The following FTO variants were observed in gnomAD, a reference collection of about 807,000 sequenced individuals.
FTO encodes the protein alpha-ketoglutarate-dependent dioxygenase FTO.
In FTO, 47 loss-of-function variants were observed where a neutral mutation model predicts 63.9. That is an observed-to-expected ratio of 0.74 (90% CI 0.58 to 0.94). The LOEUF is 0.94. FTO is among the 40% of genes least tolerant of loss of function. The pLI is 0.00. For missense variants in FTO, 562 were observed against 618.1 expected (o/e 0.91, Z 0.96); for synonymous variants, 207 against 224.4 (o/e 0.92, Z 0.69).
intron 8 of FTO, among the ~76,000 whole-genome samples, chr16:54,034,901 T>C (rs1454875323): frequency 2.0e-5 from 3 of 152,220 alleles, no homozygotes; most frequent in Non-Finnish European, 4.4e-5. Flanking sequence ...AGGAAGCACA[T>C]TGAGTCACTA....
chr16:53,898,435 A>G (rs1239368273), intron 7 of FTO, among the ~76,000 whole-genome samples: 1 of 151,884 alleles, frequency 6.6e-6, no homozygotes, highest in Non-Finnish European at 1.5e-5. Flanking sequence ...ACTCTTTTCT[A>G]CTGTACTCTT....
intron 7 of FTO, among the ~76,000 whole-genome samples, chr16:53,902,846 G>C (rs11076009): frequency 0.34 from 51,303 of 152,088 alleles, 10,300 homozygotes; most frequent in East Asian, 0.88. Flanking sequence ...GGGCATGGTG[G>C]CTCATTCCTG....
intron 8 of FTO, chr16:53,981,165 A>C (rs1318644020): frequency 6.6e-6 from 1 of 152,096 alleles, no homozygotes; most frequent in Non-Finnish European, 1.5e-5. Context: ...TCCATACAAC[A>C]AGTTTAAAAA....
chr16:53,835,924 C>G (rs1011083478), intron 3 of FTO, among the ~76,000 whole-genome samples: 5 of 137,142 alleles, frequency 3.6e-5, no homozygotes, highest in African/African-American at 1.4e-4. Context: ...GAGTTTTGCT[C>G]TTGTCACCCA....
chr16:53,853,778 A>G (rs931271498), intron 4 of FTO, among the ~76,000 whole-genome samples: 28 of 152,190 alleles, frequency 1.8e-4, no homozygotes, highest in Non-Finnish European at 3.5e-4. Flanking sequence ...ATGTGCTGCA[A>G]TAAACATATG....
rs115731781 is a variant in FTO at position 53,960,367 on chromosome 16, G to T, written c.1364+26258G>T. 9.1e-4 allele frequency among the ~76,000 whole-genome samples: 138 copies of T among 152,278 alleles called. 1 individual carries two copies. Among genetic ancestry groups the T allele is most frequent in the African/African-American group, 3.2e-3 (132 of 41,552 alleles). ...TCACTACACTTAGAAAATGCCTGCC[G>T]TGCGTGGCACTGGTGCAATGGTATC... On this transcript the variant is annotated intron_variant, in intron 8 of 8. Coordinates refer to ENST00000471389, the MANE Select transcript of FTO (RefSeq NM_001080432.3).
At position 54,002,770 on chromosome 16, in the gene FTO, T is replaced by C. The variant is rs567826710; in HGVS notation, c.1364+68661T>C. Reference sequence around the variant, plus strand: ...AAAGACAGATAAAAACAAGTGTTGATGAGGATAGAGAAAAATTGGAGCCCT... The same window carrying C: ...AAAGACAGATAAAAACAAGTGTTGACGAGGATAGAGAAAAATTGGAGCCCT... On this transcript the variant is annotated intron_variant, in intron 8 of 8. Coordinates refer to ENST00000471389, the MANE Select transcript of FTO (RefSeq NM_001080432.3). Among the ~76,000 whole-genome samples, 6 of 152,366 alleles carry C rather than the reference T, an allele frequency of 3.9e-5. No individual in the cohort carries two copies. In the South Asian group the frequency reaches 6.2e-4, roughly 16 times the overall value.
intron 7 of FTO, among the ~76,000 whole-genome samples, chr16:53,919,264 C>A (rs2081953974): frequency 6.6e-6 from 1 of 152,050 alleles, no homozygotes; most frequent in African/African-American, 2.4e-5. Context: ...ATAGAAAGCA[C>A]CCAATAATGT....
chr16:54,077,062 C>T (rs565443896), intron 8 of FTO, among the ~76,000 whole-genome samples: 8 of 152,256 alleles, frequency 5.3e-5, no homozygotes, highest in East Asian at 1.9e-4. Context: ...TCATAATCAT[C>T]ATTATATATA....
At chr16:53,855,533 C>A (rs2079960542) in intron 4 of FTO, among the ~76,000 whole-genome samples, 1 of 150,936 alleles carries the variant, frequency 6.6e-6, no homozygotes, top group African/African-American at 2.5e-5. Context: ...AATGAATGAA[C>A]CAAGAACTGG....
intron 8 of FTO, 112 bp downstream of exon 8, chr16:53,934,221 A>G: frequency 6.9e-6 from 8 of 1,166,554 alleles, no homozygotes; most frequent in South Asian, 5.1e-5. Flanking sequence ...CCCATGAAAA[A>G]TAAGCACGTT....
At chr16:53,867,460 TAAC>T (rs1349905941) in intron 4 of FTO, among the ~76,000 whole-genome samples, 1 of 151,884 alleles carries the variant, frequency 6.6e-6, no homozygotes, top group African/African-American at 2.4e-5. Context: ...TTCACAATAA[TAAC>T]AACAATGTAT....
chr16:53,721,560 A>G (rs746910616), intron 1 of FTO, among the ~76,000 whole-genome samples: 28 of 151,812 alleles, frequency 1.8e-4, no homozygotes, highest in Non-Finnish European at 3.7e-4. Context: ...TATTTTGTTC[A>G]TTGCTATGGA....
intron 3 of FTO, among the ~76,000 whole-genome samples, chr16:53,827,994 C>T (rs1431193524): frequency 6.6e-6 from 1 of 152,174 alleles, no homozygotes; most frequent in African/African-American, 2.4e-5. Flanking sequence ...TTTAATAGTC[C>T]TATTGTACTC....
intron 8 of FTO, among the ~76,000 whole-genome samples, chr16:53,983,033 C>T (rs1375726856): frequency 6.6e-6 from 1 of 152,134 alleles, no homozygotes; most frequent in Non-Finnish European, 1.5e-5. Flanking sequence ...TCACTACCTA[C>T]CCCGAGCCTC....
chr16:53,771,527 C>T (rs2077341390), intron 1 of FTO, among the ~76,000 whole-genome samples: 1 of 152,068 alleles, frequency 6.6e-6, no homozygotes, highest in African/African-American at 2.4e-5. Context: ...CAAAACACAA[C>T]AAAACAAATC....
chr16:53,707,669 A>G (rs1343228468), intron 1 of FTO, among the ~76,000 whole-genome samples: 1 of 152,170 alleles, frequency 6.6e-6, no homozygotes, highest in African/African-American at 2.4e-5. Flanking sequence ...TTTAATTTGC[A>G]TTTCAGTGAT....
At chr16:54,102,048 T>C (rs1297810666) in intron 8 of FTO, among the ~76,000 whole-genome samples, 4 of 152,220 alleles carry the variant, frequency 2.6e-5, no homozygotes, top group African/African-American at 7.2e-5. Flanking sequence ...TCTTTATAGA[T>C]GCTGGATATT....
chr16:53,849,190 A>G (rs2079717318), intron 4 of FTO, among the ~76,000 whole-genome samples: 1 of 152,186 alleles, frequency 6.6e-6, no homozygotes, highest in African/African-American at 2.4e-5. Flanking sequence ...TTGCCTGTGT[A>G]TTGCTAGTGC....
Sources: gnomAD v4.1 joint callset for allele counts (sites outside exome capture counted in the v4.1 genomes callset) on GRCh38, gnomAD v4.1.1 for gene constraint, MANE v1.5 for transcripts, NCBI Gene and HGNC (gene_info 2026-07-23, HGNC 2026-07-21) for gene names.